KCNC2: variants seen among roughly 807,000 people sequenced by gnomAD.
KCNC2 encodes the protein voltage-gated potassium channel KCNC2.
In KCNC2, 21 loss-of-function variants were observed where a neutral mutation model predicts 44.5. The observed-to-expected ratio is 0.47, with a 90% CI of 0.33 to 0.68. The LOEUF is 0.68. Among genes scored for constraint, KCNC2 ranks in the 30% least tolerant of loss-of-function variants. The pLI is 0.01. For synonymous variants in KCNC2, 391 were observed against 339.1 expected, an observed-to-expected ratio of 1.15 and a Z score of -1.68; for missense variants, 589 against 826.2, an observed-to-expected ratio of 0.71 and a Z score of 3.52.
intron 2 of KCNC2, chr12:75,124,950 A>C (rs1888302591): frequency 6.6e-6 from 1 of 152,070 alleles, no homozygotes; most frequent in Non-Finnish European, 1.5e-5. Context: ...TAAAAATACA[A>C]AAAAAATTAG....
At chr12:75,054,693 A>G (rs1236368461) in intron 2 of KCNC2, among the ~76,000 whole-genome samples, 1 of 152,186 alleles carries the variant, frequency 6.6e-6, no homozygotes, top group Non-Finnish European at 1.5e-5. Flanking sequence ...TAAGAAACAC[A>G]GAAGAGTCAT....
chr12:75,072,718 T>A (rs1002170132), intron 2 of KCNC2, among the ~76,000 whole-genome samples: 1 of 152,310 alleles, frequency 6.6e-6, no homozygotes, highest in African/African-American at 2.4e-5. Flanking sequence ...GCTGAGTGCC[T>A]GGGAATGACA....
chr12:75,166,351 A>G (rs2137551956), intron 2 of KCNC2, among the ~76,000 whole-genome samples: 1 of 151,294 alleles, frequency 6.6e-6, no homozygotes, highest in South Asian at 2.1e-4. Flanking sequence ...AGATAATTCA[A>G]CAATTGCAGT....
chr12:75,199,333 T>C (rs1490782619), intron 2 of KCNC2, among the ~76,000 whole-genome samples: 1 of 151,800 alleles, frequency 6.6e-6, no homozygotes, highest in African/African-American at 2.4e-5. Flanking sequence ...CATGAGATTT[T>C]CTGGACACAT....
chr12:75,064,871 T>A (rs1477173680), intron 2 of KCNC2, among the ~76,000 whole-genome samples: 1 of 152,066 alleles, frequency 6.6e-6, no homozygotes, highest in African/African-American at 2.4e-5. Flanking sequence ...CGTTTACAAC[T>A]GTTACTTCAA....
rs1340236125 is a variant in KCNC2 at position 75,207,962 on chromosome 12, C to T, written c.22G>A (p.Glu8Lys). The change falls in exon 2 of 5, where the codon GAG becomes AAG. Residue 8 changes from glutamate (E) to lysine (K), a missense_variant. By Grantham distance (56) the Glu-to-Lys change is moderately conservative. This residue lies in a region of KCNC2 where 148 missense variants were observed against 140.1 expected (regional missense o/e 1.06). Transcript: ENST00000549446. This position sits in a 1 kb window ranked among gnomAD's most constrained non-coding sequence, Gnocchi z 4.1. Reference protein sequence around the residue: MGKIENNERVILNVGGTR... With the variant: MGKIENNKRVILNVGGTR... ...CCCCCGACATTGAGGATCACCCTCTCGTTGTTCTCGATCTTGCCCATCTCT... is the reference window on the plus strand; with the variant it reads ...CCCCCGACATTGAGGATCACCCTCTTGTTGTTCTCGATCTTGCCCATCTCT... 1.2e-6 allele frequency: 2 copies of T among 1,612,482 alleles called. No homozygotes were observed. The highest frequency in any genetic ancestry group is 1.7e-6 in the Non-Finnish European group (2 of 1,179,872).
Position 75,207,166 on chromosome 12 carries a change from C to T in KCNC2, c.687+131G>A. The T allele has an allele frequency of 7.0e-7, 1 of 1,435,042 alleles. No homozygotes were observed. The highest frequency in any genetic ancestry group is 9.2e-7 in the Non-Finnish European group (1 of 1,091,538). The allele number at this position is 1,435,042 out of a possible 1,614,324, so 88.9% of individuals were successfully genotyped here. On this transcript the variant is annotated intron_variant, in intron 2 of 4. Transcript: ENST00000549446. The surrounding 1 kb of genome is among the most constrained non-coding windows in gnomAD (Gnocchi z 4.1). ...TACCCTGCAAAGGATGAGCCTCTAA[C>T]TGTATCGCTAGGAAATCCCGGGTCT...
intron 2 of KCNC2, among the ~76,000 whole-genome samples, chr12:75,085,878 C>A (rs550735149): frequency 6.6e-6 from 1 of 152,044 alleles, no homozygotes; most frequent in Non-Finnish European, 1.5e-5. Flanking sequence ...GACTTTAGAG[C>A]TGTGTCATTA....
At position 75,110,214 on chromosome 12, in the gene KCNC2, GA is replaced by G. The variant is rs893702126; in HGVS notation, c.688-58898del. ...CCATGTCCCAGAAAGGATTAAGGGG[GA>G]AAAAAAACCAACATATTTTATATGC... On this transcript the variant is annotated intron_variant, in intron 2 of 4. Transcript: ENST00000549446. 9.2e-5 allele frequency among the ~76,000 whole-genome samples: 14 copies of G among 151,670 alleles called. No individual in the cohort carries two copies. In the South Asian group the frequency reaches 1.5e-3, roughly 16 times the overall value.
chr12:75,103,979 G>C (rs1205649602), intron 2 of KCNC2, among the ~76,000 whole-genome samples: 1 of 152,248 alleles, frequency 6.6e-6, no homozygotes, highest in African/African-American at 2.4e-5. Flanking sequence ...AGGTATTGTG[G>C]TGTGAGTGTT....
rs954009010 is a variant in KCNC2 at position 75,144,948 on chromosome 12, T to TA, written c.687+62348dup. Among the ~76,000 whole-genome samples, 1,047 of 144,414 alleles carry TA rather than the reference T, an allele frequency of 7.2e-3. 9 individuals carry two copies. The highest frequency in any genetic ancestry group is 0.024 in the African/African-American group (939 of 39,422). 94.7% of individuals were successfully genotyped at this position (144,414 alleles called of 152,430 possible). A position where few individuals can be genotyped will look rare whatever the true frequency, so the allele number is the denominator to read the frequency against. ...ACTTACAGTCAAGTGGATGAGAGAGTAAAAAAAAAAGGAAAAAAGGGATTA... is the reference window on the plus strand; with the variant it reads ...ACTTACAGTCAAGTGGATGAGAGAGTAAAAAAAAAAAGGAAAAAAGGGATTA... On this transcript the variant is annotated intron_variant, in intron 2 of 4. Transcript: ENST00000549446.
intron 2 of KCNC2, among the ~76,000 whole-genome samples, chr12:75,202,834 G>A (rs1349598867): frequency 1.3e-5 from 2 of 149,414 alleles, no homozygotes; most frequent in South Asian, 2.1e-4. Flanking sequence ...AACACCTCTA[G>A]AATTTTATTT....
At chr12:75,094,549 G>T (rs1221079988) in intron 2 of KCNC2, among the ~76,000 whole-genome samples, 4 of 151,606 alleles carry the variant, frequency 2.6e-5, no homozygotes, top group Non-Finnish European at 3.0e-5. Context: ...GTAATATTTT[G>T]CATTTTCCTT....
intron 2 of KCNC2, among the ~76,000 whole-genome samples, chr12:75,152,693 G>A (rs1890488026): frequency 6.6e-6 from 1 of 151,988 alleles, no homozygotes; most frequent in African/African-American, 2.4e-5. Context: ...AGGGTGGGAA[G>A]TAAACAGCTA....
At chr12:75,131,690 A>C (rs1888856356) in intron 2 of KCNC2, among the ~76,000 whole-genome samples, 1 of 152,190 alleles carries the variant, frequency 6.6e-6, no homozygotes, top group Non-Finnish European at 1.5e-5. Context: ...GAAGCATAAC[A>C]AGGAAGTCAG....
intron 2 of KCNC2, among the ~76,000 whole-genome samples, chr12:75,172,244 T>C (rs2137586753): frequency 6.6e-6 from 1 of 151,908 alleles, no homozygotes; most frequent in East Asian, 1.9e-4. Flanking sequence ...AAAGACAGCA[T>C]GTTTTCACTT....
chr12:75,069,127 A>ATTTTTT (rs1231157819), intron 2 of KCNC2, among the ~76,000 whole-genome samples: 3 of 33,902 alleles, frequency 8.8e-5, no homozygotes, highest in Non-Finnish European at 1.3e-4. Context: ...ATTTTATATA[A>ATTTTTT]TCTTTTTTTT....
intron 2 of KCNC2, among the ~76,000 whole-genome samples, chr12:75,057,991 C>CA: frequency 6.6e-6 from 1 of 151,880 alleles, no homozygotes; most frequent in East Asian, 1.9e-4. Flanking sequence ...TCCATTCACA[C>CA]AAAAATGTAA....
intron 2 of KCNC2, among the ~76,000 whole-genome samples, chr12:75,197,095 G>T (rs776822562): frequency 2.0e-5 from 3 of 151,974 alleles, no homozygotes; most frequent in Non-Finnish European, 4.4e-5. Flanking sequence ...GACCTGAGTT[G>T]CACAATTTTA....
Sources: allele counts gnomAD v4.1 joint callset (sites outside exome capture counted in the v4.1 genomes callset), GRCh38; gene constraint gnomAD v4.1.1; regional missense constraint gnomAD v4.1.1; non-coding constraint Gnocchi (gnomAD v3.1); transcripts MANE v1.5; gene names NCBI Gene and HGNC (gene_info 2026-07-23, HGNC 2026-07-21).